JAKMIP2: variants seen among roughly 807,000 people sequenced by gnomAD.
The protein encoded by JAKMIP2 is janus kinase and microtubule-interacting protein 2.
A neutral mutation model predicts 115.0 loss-of-function variants in JAKMIP2; 25 were observed. The ratio of observed to expected loss-of-function variants is 0.22; its 90% CI spans 0.16 to 0.30. The LOEUF (loss-of-function observed/expected upper bound fraction) is 0.30, where lower values mean the gene tolerates loss of function less well. Ranked by LOEUF, JAKMIP2 falls within the 10% of genes least tolerant of loss-of-function variation. The pLI, the probability that JAKMIP2 is intolerant of heterozygous loss-of-function variation, is 1.00. For missense variants in JAKMIP2, 642 were observed against 957.6 expected (o/e 0.67, Z 4.35); for synonymous variants, 334 against 343.6 (o/e 0.97, Z 0.31).
At chr5:147,708,519 T>A (rs1752664441) in intron 1 of JAKMIP2, among the ~76,000 whole-genome samples, 1 of 152,198 alleles carries the variant, frequency 6.6e-6, no homozygotes, top group South Asian at 2.1e-4. Flanking sequence ...CACTTACATG[T>A]TAATTATGAT....
chr5:147,702,338 T>C (rs1439686634), intron 1 of JAKMIP2, among the ~76,000 whole-genome samples: 1 of 118,406 alleles, frequency 8.4e-6, no homozygotes, highest in African/African-American at 3.3e-5. Context: ...ATAAAAGACA[T>C]TGAGTACAAT....
At chr5:147,618,808 A>G (rs1219102642) in intron 18 of JAKMIP2, among the ~76,000 whole-genome samples, 2 of 152,182 alleles carry the variant, frequency 1.3e-5, no homozygotes, top group African/African-American at 4.8e-5. Context: ...AAAGACATCT[A>G]CCACGGTGGC....
At chr5:147,619,700 C>T (rs866340534) in intron 18 of JAKMIP2, among the ~76,000 whole-genome samples, 12 of 152,102 alleles carry the variant, frequency 7.9e-5, no homozygotes, top group Non-Finnish European at 1.5e-4. Context: ...ATCACATGTG[C>T]TCCTTAATCA....
At chr5:147,691,349 C>T (rs1751842906) in intron 1 of JAKMIP2, among the ~76,000 whole-genome samples, 1 of 152,172 alleles carries the variant, frequency 6.6e-6, no homozygotes, top group South Asian at 2.1e-4. Flanking sequence ...TAGTTTCCCC[C>T]CATCCCCCAC....
At chr5:147,626,587 C>T (rs73268122) in intron 16 of JAKMIP2, among the ~76,000 whole-genome samples, 1 of 152,104 alleles carries the variant, frequency 6.6e-6, no homozygotes, top group African/African-American at 2.4e-5. Context: ...AAAGGTCACA[C>T]TAGTACCTAG....
intron 16 of JAKMIP2, among the ~76,000 whole-genome samples, chr5:147,628,105 C>T (rs1581316774): frequency 6.6e-6 from 1 of 151,932 alleles, no homozygotes; most frequent in Non-Finnish European, 1.5e-5. Flanking sequence ...CACTATAGCC[C>T]CAAATTCTTG....
At chr5:147,645,527 G>A (rs573931459) in intron 5 of JAKMIP2, among the ~76,000 whole-genome samples, 152 of 152,120 alleles carry the variant, frequency 1.0e-3, no homozygotes, top group Non-Finnish European at 1.7e-3. Context: ...TTATCGAGGG[G>A]AAAAAAACCA....
intron 20 of JAKMIP2, 104 bp from the exon 21 acceptor site, chr5:147,601,915 C>G: frequency 1.9e-6 from 1 of 523,590 alleles, no homozygotes; most frequent in Non-Finnish European, 3.4e-6. Context: ...CTAATCACTT[C>G]ACACATGAAC....
At chr5:147,709,245 T>C (rs754520077) in intron 1 of JAKMIP2, among the ~76,000 whole-genome samples, 2 of 152,188 alleles carry the variant, frequency 1.3e-5, no homozygotes, top group Non-Finnish European at 2.9e-5. Flanking sequence ...GATCTCAGTA[T>C]CCAATGAGAA....
intron 21 of JAKMIP2, among the ~76,000 whole-genome samples, chr5:147,600,115 G>T (rs1467712437): frequency 9.9e-4 from 135 of 136,976 alleles, no homozygotes; most frequent in African/African-American, 3.4e-3. Context: ...TTTTTTTGGT[G>T]GGGGGAGGCT....
intron 21 of JAKMIP2, chr5:147,595,334 G>T: frequency 2.4e-6 from 1 of 413,124 alleles, no homozygotes; most frequent in Non-Finnish European, 4.9e-6. Context: ...CATGAGTGCA[G>T]AATGGATGAG....
At chr5:147,640,211 G>A (rs1249550362) in intron 9 of JAKMIP2, among the ~76,000 whole-genome samples, 1 of 152,028 alleles carries the variant, frequency 6.6e-6, no homozygotes, top group African/African-American at 2.4e-5. Context: ...TAAACTTCAG[G>A]ACATAACATA....
At chr5:147,766,926 C>T (rs527257762) in intron 1 of JAKMIP2, among the ~76,000 whole-genome samples, 3 of 151,854 alleles carry the variant, frequency 2.0e-5, no homozygotes, top group Non-Finnish European at 2.9e-5. Context: ...GGAAAGTGGC[C>T]GTAATATAAA....
chr5:147,695,853 C>G (rs1031851493), intron 1 of JAKMIP2, among the ~76,000 whole-genome samples: 1 of 152,010 alleles, frequency 6.6e-6, no homozygotes, highest in African/African-American at 2.4e-5. Flanking sequence ...ATAATAGAAA[C>G]TTTTTTTCTG....
intron 21 of JAKMIP2, among the ~76,000 whole-genome samples, chr5:147,596,800 T>G (rs1755410530): frequency 6.6e-6 from 1 of 152,176 alleles, no homozygotes; most frequent in African/African-American, 2.4e-5. Flanking sequence ...AATTACTAAC[T>G]GGCATAAACT....
At chr5:147,723,034 C>T (rs893402324) in intron 1 of JAKMIP2, among the ~76,000 whole-genome samples, 2 of 117,558 alleles carry the variant, frequency 1.7e-5, no homozygotes, top group African/African-American at 6.2e-5. Context: ...AATTTAACCA[C>T]GCATCATCAA....
rs984580942 is a variant in JAKMIP2, at chr5:147,622,718, T to C, written c.2064+903A>G. Among the ~76,000 whole-genome samples the C allele has an allele frequency of 2.0e-5, 3 of 152,186 alleles. No homozygotes were observed. The South Asian group carries it at 6.2e-4, about 32-fold the overall frequency. On this transcript the variant is annotated intron_variant, in intron 17 of 21. Transcript: ENST00000616793. Reference sequence around the variant, plus strand: ...TGAATAATGCTGCTATGAACATGGGTGTATAAATATCTCTTCCAGACTCTG... The same window carrying C: ...TGAATAATGCTGCTATGAACATGGGCGTATAAATATCTCTTCCAGACTCTG...
chr5:147,757,892 A>C (rs1754803456), intron 1 of JAKMIP2, among the ~76,000 whole-genome samples: 1 of 152,128 alleles, frequency 6.6e-6, no homozygotes, highest in African/African-American at 2.4e-5. Context: ...TTCAATCCAC[A>C]GGTTCTGTTT....
At chr5:147,694,363 C>A (rs929703019) in intron 1 of JAKMIP2, among the ~76,000 whole-genome samples, 1 of 152,162 alleles carries the variant, frequency 6.6e-6, no homozygotes, top group Non-Finnish European at 1.5e-5. Flanking sequence ...ACAGTCATAT[C>A]ATGGGCAGCT....
Sources: allele counts gnomAD v4.1 joint callset (sites outside exome capture counted in the v4.1 genomes callset), GRCh38; gene constraint gnomAD v4.1.1; transcripts MANE v1.5; gene names NCBI Gene and HGNC (gene_info 2026-07-23, HGNC 2026-07-21).